PTPRD: variants seen among roughly 807,000 people sequenced by gnomAD.
PTPRD encodes the protein receptor-type tyrosine-protein phosphatase delta.
In PTPRD, 34 loss-of-function variants were observed where a neutral mutation model predicts 214.5. That is an observed-to-expected ratio of 0.16 (90% CI 0.12 to 0.21). The LOEUF (loss-of-function observed/expected upper bound fraction) is 0.21, where lower values mean the gene tolerates loss of function less well. Ranked by LOEUF, PTPRD falls within the 10% of genes least tolerant of loss-of-function variation. The pLI is 1.00. For missense variants in PTPRD, 2,545 were observed against 2,398.7 expected, an observed-to-expected ratio of 1.06 and a Z score of -1.27; for synonymous variants, 1,128 against 845.7, an observed-to-expected ratio of 1.33 and a Z score of -5.79.
intron 5 of PTPRD, among the ~76,000 whole-genome samples, chr9:9,874,081 G>T (rs1020224528): frequency 1.3e-5 from 2 of 152,096 alleles, no homozygotes; most frequent in African/African-American, 4.8e-5. Context: ...ACATTTTAAA[G>T]GACCTTGCCC....
At chr9:8,900,038 A>T (rs2154250586) in intron 11 of PTPRD, among the ~76,000 whole-genome samples, 1 of 152,306 alleles carries the variant, frequency 6.6e-6, no homozygotes, top group Non-Finnish European at 1.5e-5. Context: ...ATCTTTGGTC[A>T]GTGTAGATGT....
chr9:8,876,899 T>G (rs1235774987), intron 11 of PTPRD, among the ~76,000 whole-genome samples: 1 of 152,066 alleles, frequency 6.6e-6, no homozygotes, highest in Admixed American at 6.6e-5. Flanking sequence ...CTTGGCCCTT[T>G]CCTTTACCAC....
chr9:9,832,747 G>A (rs973384422), intron 5 of PTPRD, among the ~76,000 whole-genome samples: 1 of 151,924 alleles, frequency 6.6e-6, no homozygotes, highest in Non-Finnish European at 1.5e-5. Flanking sequence ...ATGATGCCTA[G>A]AACTGCAGCA....
chr9:8,334,262 C>T (rs1450029419), intron 43 of PTPRD, among the ~76,000 whole-genome samples: 1 of 151,990 alleles, frequency 6.6e-6, no homozygotes, highest in African/African-American at 2.4e-5. Flanking sequence ...CTTATTCTAA[C>T]ATTGACCACA....
At chr9:9,736,563 A>G (rs1386076638) in intron 6 of PTPRD, among the ~76,000 whole-genome samples, 1 of 152,036 alleles carries the variant, frequency 6.6e-6, no homozygotes, top group Non-Finnish European at 1.5e-5. Context: ...AAATAATTTA[A>G]ATAGTGTTAC....
chr9:9,947,482 TTA>T (rs2092838128), intron 4 of PTPRD, among the ~76,000 whole-genome samples: 1 of 24,006 alleles, frequency 4.2e-5, no homozygotes, highest in Non-Finnish European at 5.8e-5. Flanking sequence ...TATATATATT[TTA>T]TATATATTAT....
At chr9:9,852,074 C>A (rs2060647389) in intron 5 of PTPRD, among the ~76,000 whole-genome samples, 1 of 151,480 alleles carries the variant, frequency 6.6e-6, no homozygotes, top group Non-Finnish European at 1.5e-5. Flanking sequence ...TGAACAGAGA[C>A]CAGACATATA....
chr9:10,163,348 C>T (rs938408907), intron 3 of PTPRD, among the ~76,000 whole-genome samples: 1 of 151,180 alleles, frequency 6.6e-6, no homozygotes, highest in East Asian at 1.9e-4. Context: ...AATACTTTTG[C>T]CATCATTTGA....
intron 11 of PTPRD, among the ~76,000 whole-genome samples, chr9:8,918,954 A>G (rs868745337): frequency 1.3e-5 from 2 of 152,190 alleles, no homozygotes; most frequent in Non-Finnish European, 2.9e-5. Flanking sequence ...GAACACCTAC[A>G]AAGTTCGACT....
Position 8,315,616 on chromosome 9 carries a change from A to ATACTT in PTPRD, c.*2253_*2257dup. On this transcript the variant is annotated 3_prime_UTR_variant, in exon 46 of 46. Transcript: ENST00000381196. ...GTCTCATTCTGAGGTAGCCTTCTAGATACTTTTTTTTAGTATTATATATAT... is the reference window on the plus strand; with the variant it reads ...GTCTCATTCTGAGGTAGCCTTCTAGATACTTTACTTTTTTTTAGTATTATATATAT... 1 of 229,382 alleles carries ATACTT rather than the reference A, an allele frequency of 4.4e-6. No individual in the cohort carries two copies. The highest frequency in any genetic ancestry group is 8.7e-6 in the Non-Finnish European group (1 of 115,376). 14.2% of individuals were successfully genotyped at this position (229,382 alleles called of 1,614,324 possible).
At chr9:9,951,897 C>T (rs2093484898) in intron 4 of PTPRD, among the ~76,000 whole-genome samples, 1 of 152,118 alleles carries the variant, frequency 6.6e-6, no homozygotes, top group African/African-American at 2.4e-5. Flanking sequence ...TTATTGATAC[C>T]CATCATTTAC....
intron 31 of PTPRD, among the ~76,000 whole-genome samples, chr9:8,466,987 T>C (rs1019132978): frequency 1.3e-5 from 2 of 151,872 alleles, no homozygotes; most frequent in Admixed American, 1.3e-4. Context: ...AATTTGATCG[T>C]ACGTTACAGT....
intron 11 of PTPRD, among the ~76,000 whole-genome samples, chr9:8,891,851 C>T (rs183261422): frequency 3.9e-5 from 6 of 152,098 alleles, no homozygotes. Flanking sequence ...TCCCAGCAGT[C>T]GTGGAGTTGG....
intron 14 of PTPRD, among the ~76,000 whole-genome samples, chr9:8,551,751 G>C (rs536732901): frequency 2.8e-4 from 42 of 152,250 alleles, no homozygotes; most frequent in Non-Finnish European, 5.9e-4. Context: ...ACATAATGAA[G>C]AAAGTCCACA....
intron 8 of PTPRD, among the ~76,000 whole-genome samples, chr9:9,458,246 T>C (rs1230084587): frequency 1.3e-5 from 2 of 152,012 alleles, no homozygotes; most frequent in African/African-American, 2.4e-5. Flanking sequence ...AGTAAACAAT[T>C]CAAGTGTACA....
chr9:9,215,552 T>C (rs1233046322), intron 9 of PTPRD, among the ~76,000 whole-genome samples: 2 of 152,138 alleles, frequency 1.3e-5, no homozygotes, highest in Non-Finnish European at 2.9e-5. Context: ...GACTGAGGCC[T>C]CTGTTTTGGC....
In PTPRD at chr9:8,888,137, C is replaced by T. The variant is rs147137280; in HGVS notation, c.-104+130560G>A. ...TGCTTTCGTTAAAGAGTGCTCATCA[C>T]TCCATGACATACACAAAATGACAAG... On this transcript the variant is annotated intron_variant, in intron 11 of 45. Coordinates refer to ENST00000381196, the MANE Select transcript of PTPRD (RefSeq NM_002839.4). Among the ~76,000 whole-genome samples, 867 of 152,248 alleles carry T rather than the reference C, an allele frequency of 5.7e-3. 9 individuals carry two copies. The highest frequency in any genetic ancestry group is 9.4e-3 in the Admixed American group (143 of 15,286).
At chr9:9,665,675 T>A (rs1411748016) in intron 7 of PTPRD, among the ~76,000 whole-genome samples, 1 of 151,846 alleles carries the variant, frequency 6.6e-6, no homozygotes, top group African/African-American at 2.4e-5. Context: ...TGTAAGATAC[T>A]CAGAATAGTT....
intron 10 of PTPRD, among the ~76,000 whole-genome samples, chr9:9,051,825 G>A (rs987994254): frequency 6.6e-6 from 1 of 152,132 alleles, no homozygotes; most frequent in Non-Finnish European, 1.5e-5. Flanking sequence ...AAATCAAATT[G>A]TTCAGGGAAA....
Sources: allele counts gnomAD v4.1 joint callset (sites outside exome capture counted in the v4.1 genomes callset), GRCh38; gene constraint gnomAD v4.1.1; transcripts MANE v1.5; gene names NCBI Gene and HGNC (gene_info 2026-07-23, HGNC 2026-07-21).